SDK1: variants seen among roughly 807,000 people sequenced by gnomAD.
The protein encoded by SDK1 is protein sidekick-1.
A neutral mutation model predicts 245.5 loss-of-function variants in SDK1; 157 were observed. That is an observed-to-expected ratio of 0.64 (90% CI 0.56 to 0.73). The LOEUF is 0.73. Among genes scored for constraint, SDK1 ranks in the 30% least tolerant of loss-of-function variants. SDK1 has a pLI of 0.00. For missense variants in SDK1, 3,583 were observed against 3,002.3 expected, an observed-to-expected ratio of 1.19 and a Z score of -4.52; for synonymous variants, 1,647 against 1,278.5, an observed-to-expected ratio of 1.29 and a Z score of -6.15.
intron 1 of SDK1, among the ~76,000 whole-genome samples, chr7:3,601,362 A>C (rs1242081734): frequency 6.6e-6 from 1 of 152,134 alleles, no homozygotes; most frequent in African/African-American, 2.4e-5. Flanking sequence ...ATTTTTATTG[A>C]GAAGCTTTTA....
chr7:3,730,230 A>G (rs1347609737), intron 4 of SDK1, among the ~76,000 whole-genome samples: 2 of 152,160 alleles, frequency 1.3e-5, no homozygotes, highest in African/African-American at 4.8e-5. Flanking sequence ...AGGGCATCTC[A>G]GCCTCACATA....
intron 38 of SDK1, among the ~76,000 whole-genome samples, chr7:4,218,146 G>A (rs1404664543): frequency 2.0e-5 from 3 of 152,182 alleles, no homozygotes; most frequent in African/African-American, 7.2e-5. Flanking sequence ...GCTCATGTCT[G>A]TAATTCCAGC....
intron 1 of SDK1, among the ~76,000 whole-genome samples, chr7:3,610,898 G>C (rs1781567511): frequency 6.6e-6 from 1 of 152,154 alleles, no homozygotes; most frequent in South Asian, 2.1e-4. Context: ...AGGACACCAG[G>C]GACAAATTAC....
chr7:3,892,914 G>A (rs553705585), intron 5 of SDK1, among the ~76,000 whole-genome samples: 11 of 152,230 alleles, frequency 7.2e-5, no homozygotes, highest in South Asian at 4.2e-4. Flanking sequence ...GGTTGCTTTC[G>A]AGGATGCCGT....
chr7:3,496,728 C>A (rs951296806), intron 1 of SDK1, among the ~76,000 whole-genome samples: 1 of 152,176 alleles, frequency 6.6e-6, no homozygotes, highest in East Asian at 1.9e-4. Context: ...CTTCTCCGTT[C>A]ATTTTCATTT....
chr7:3,621,545 G>C lies in SDK1; in HGVS notation c.458+2306G>C, dbSNP rs181537692. Among the ~76,000 whole-genome samples the C allele has an allele frequency of 5.9e-5, 9 of 152,330 alleles. No homozygotes were observed. The East Asian group carries it at 1.7e-3, about 29-fold the overall frequency. On this transcript the variant is annotated intron_variant, in intron 2 of 44. Coordinates refer to ENST00000404826, the MANE Select transcript of SDK1 (RefSeq NM_152744.4). ...GCCTGGTGGCCAGGCTACACGCCTT[G>C]GATGGCGGGAAAGGAATTGTTTCCT...
At chr7:3,840,937 C>T (rs1034001176) in intron 5 of SDK1, among the ~76,000 whole-genome samples, 4 of 152,176 alleles carry the variant, frequency 2.6e-5, no homozygotes, top group Admixed American at 2.0e-4. Flanking sequence ...GAATCCACAT[C>T]GACTTCAGAT....
In SDK1 at chr7:4,225,531, G is replaced by A. The variant is rs1013298395; in HGVS notation, c.5827+4167G>A. Among the ~76,000 whole-genome samples the A allele has an allele frequency of 1.2e-4, 18 of 152,144 alleles. 1 individual carries two copies. Among genetic ancestry groups the A allele is most frequent in the South Asian group, 8.3e-4 (4 of 4,824 alleles). Reference sequence around the variant, plus strand: ...TAAGGCATTGGTTCTCAGGCTTGCCGAGAGAGCCCTTGACTTTCTCCTCAG... The same window carrying A: ...TAAGGCATTGGTTCTCAGGCTTGCCAAGAGAGCCCTTGACTTTCTCCTCAG... On this transcript the variant is annotated intron_variant, in intron 40 of 44. Coordinates refer to ENST00000404826, the MANE Select transcript of SDK1 (RefSeq NM_152744.4).
intron 2 of SDK1, among the ~76,000 whole-genome samples, chr7:3,622,985 C>T (rs1486336330): frequency 6.6e-6 from 1 of 151,892 alleles, no homozygotes; most frequent in Non-Finnish European, 1.5e-5. Context: ...TTCCAGTAAG[C>T]ATGTTCATTT....
chr7:3,804,244 A>C (rs1180203367), intron 4 of SDK1, among the ~76,000 whole-genome samples: 1 of 152,134 alleles, frequency 6.6e-6, no homozygotes, highest in Non-Finnish European at 1.5e-5. Flanking sequence ...ATGATGTTTT[A>C]TGGGTTTATT....
intron 13 of SDK1, among the ~76,000 whole-genome samples, chr7:3,975,894 C>A (rs1193742325): frequency 6.6e-6 from 1 of 152,184 alleles, no homozygotes; most frequent in African/African-American, 2.4e-5. Flanking sequence ...GCTGCAGCTG[C>A]AAAGCTGCCA....
chr7:3,889,609 G>A (rs534493066), intron 5 of SDK1, among the ~76,000 whole-genome samples: 13 of 152,270 alleles, frequency 8.5e-5, no homozygotes, highest in Non-Finnish European at 1.8e-4. Flanking sequence ...CCGGCTTCAT[G>A]CCATTCTCCT....
intron 4 of SDK1, among the ~76,000 whole-genome samples, chr7:3,750,587 T>C (rs559521681): frequency 2.0e-3 from 307 of 152,288 alleles, no homozygotes; most frequent in African/African-American, 6.5e-3. Context: ...TGGGAATTCA[T>C]AGCCAAGGAG....
intron 26 of SDK1, among the ~76,000 whole-genome samples, 189 bp downstream of exon 26, chr7:4,127,685 A>G (rs1784480270): frequency 6.6e-6 from 1 of 152,278 alleles, no homozygotes. Flanking sequence ...ATTAGGCATC[A>G]GTATAACTAT....
At chr7:4,202,311 G>T (rs1370599129) in intron 35 of SDK1, among the ~76,000 whole-genome samples, 1 of 152,174 alleles carries the variant, frequency 6.6e-6, no homozygotes, top group Non-Finnish European at 1.5e-5. Flanking sequence ...CAACCTCCAA[G>T]GGCTGGTCCC....
intron 11 of SDK1, among the ~76,000 whole-genome samples, chr7:3,971,111 G>T (rs1018234684): frequency 2.6e-5 from 4 of 152,138 alleles, no homozygotes; most frequent in African/African-American, 9.7e-5. Flanking sequence ...CCATGCAGAC[G>T]CTAGAAATGA....
chr7:4,213,344 G>A (rs1488175711), intron 38 of SDK1, among the ~76,000 whole-genome samples: 5 of 151,986 alleles, frequency 3.3e-5, no homozygotes, highest in Admixed American at 6.6e-5. Flanking sequence ...CCTGGGAGGC[G>A]GAGGTGGCAG....
chr7:3,647,771 A>G (rs556574851), intron 4 of SDK1, among the ~76,000 whole-genome samples: 1 of 152,046 alleles, frequency 6.6e-6, no homozygotes, highest in Admixed American at 6.6e-5. Context: ...TTTTCTACCT[A>G]CATTTGGCCT....
chr7:4,261,902 A>C (rs1290035980), intron 44 of SDK1, among the ~76,000 whole-genome samples: 1 of 151,548 alleles, frequency 6.6e-6, no homozygotes, highest in Non-Finnish European at 1.5e-5. Context: ...TAGGACGCAC[A>C]GGTGAGGGTC....
Sources: allele counts gnomAD v4.1 joint callset (sites outside exome capture counted in the v4.1 genomes callset), GRCh38; gene constraint gnomAD v4.1.1; transcripts MANE v1.5; gene names NCBI Gene and HGNC (gene_info 2026-07-23, HGNC 2026-07-21).